NFIB: variants seen among roughly 807,000 people sequenced by gnomAD.
NFIB encodes nuclear factor 1 B-type.
Under a neutral mutation model 61.5 loss-of-function variants are expected in NFIB, and 11 were observed. That is an observed-to-expected ratio of 0.18 (90% CI 0.11 to 0.30). The LOEUF (loss-of-function observed/expected upper bound fraction) is 0.30, where lower values mean the gene tolerates loss of function less well. Ranked by LOEUF, NFIB falls within the 10% of genes least tolerant of loss-of-function variation. The probability of loss-of-function intolerance (pLI) is 1.00; values close to 1 mark genes in which losing one functional copy is unlikely to be tolerated. For missense variants in NFIB, 471 were observed against 608.9 expected (o/e 0.77, Z 2.38); for synonymous variants, 260 against 216.5 (o/e 1.20, Z -1.76).
chr9:14,116,121 G>T, intron 9 of NFIB, 87 bp downstream of exon 9: 1 of 1,327,902 alleles, frequency 7.5e-7, no homozygotes, highest in South Asian at 2.1e-5. Context: ...TTTCCACCTT[G>T]GATCAGATAT....
intron 1 of NFIB, among the ~76,000 whole-genome samples, chr9:14,320,328 C>T (rs1400684466): frequency 6.6e-6 from 1 of 152,214 alleles, no homozygotes. Context: ...ATGATAATTA[C>T]TGTTCTAATA....
chr9:14,523,381 C>T, the NFIB span, among the ~76,000 whole-genome samples: 2 of 152,012 alleles, frequency 1.3e-5, no homozygotes, highest in Non-Finnish European at 2.9e-5. Flanking sequence ...GGATACTTTC[C>T]TACTCACTTT....
At chr9:14,240,448 G>A (rs1278064990) in intron 2 of NFIB, among the ~76,000 whole-genome samples, 1 of 152,086 alleles carries the variant, frequency 6.6e-6, no homozygotes, top group African/African-American at 2.4e-5. Flanking sequence ...ATTATAAATG[G>A]TGTGAAAAAA....
At chr9:14,343,952 CA>C (rs948653065) in intron 1 of NFIB, among the ~76,000 whole-genome samples, 1 of 151,910 alleles carries the variant, frequency 6.6e-6, no homozygotes, top group African/African-American at 2.4e-5. Context: ...GTGCTGCAAA[CA>C]AAATACAAAA....
intron 5 of NFIB, among the ~76,000 whole-genome samples, chr9:14,147,907 G>A (rs2042444443): frequency 6.6e-6 from 1 of 151,834 alleles, no homozygotes; most frequent in Non-Finnish European, 1.5e-5. Context: ...CTCCCAAAGT[G>A]CTGGGATTAC....
At chr9:14,526,490 C>T in the NFIB span, among the ~76,000 whole-genome samples, 1 of 152,148 alleles carries the variant, frequency 6.6e-6, no homozygotes, top group Admixed American at 6.5e-5. Flanking sequence ...TATCCCTTAG[C>T]AGAACTTCTT....
the NFIB span, among the ~76,000 whole-genome samples, chr9:14,515,451 C>G: frequency 6.6e-6 from 1 of 152,252 alleles, no homozygotes; most frequent in East Asian, 1.9e-4. Flanking sequence ...AACTTTTCCA[C>G]TAACTCGGTA....
At chr9:14,530,743 C>G in the NFIB span, among the ~76,000 whole-genome samples, 1 of 152,160 alleles carries the variant, frequency 6.6e-6, no homozygotes, top group Non-Finnish European at 1.5e-5. Flanking sequence ...AGTGGATGAG[C>G]TGACCACCAG....
intron 2 of NFIB, among the ~76,000 whole-genome samples, chr9:14,253,994 A>C (rs1392658160): frequency 6.6e-6 from 1 of 152,144 alleles, no homozygotes; most frequent in African/African-American, 2.4e-5. Flanking sequence ...CCGTCTTTTA[A>C]AGTCAGTTAA....
At chr9:14,471,416 C>A in the NFIB span, among the ~76,000 whole-genome samples, 1 of 152,104 alleles carries the variant, frequency 6.6e-6, no homozygotes, top group Non-Finnish European at 1.5e-5. Context: ...ATGTGGAATG[C>A]CCCCCAGAAG....
intron 3 of NFIB, among the ~76,000 whole-genome samples, chr9:14,176,514 C>T (rs1036314246): frequency 3.9e-5 from 6 of 151,958 alleles, no homozygotes; most frequent in African/African-American, 1.5e-4. Context: ...TAAAGAAATA[C>T]CATAAAGGCT....
the NFIB span, among the ~76,000 whole-genome samples, chr9:14,472,426 C>G: frequency 6.6e-6 from 1 of 152,050 alleles, no homozygotes; most frequent in Non-Finnish European, 1.5e-5. Flanking sequence ...AACATTAAGG[C>G]AATTGTACAG....
chr9:14,382,627 A>C (rs1021811326), intron 1 of NFIB, among the ~76,000 whole-genome samples: 1 of 152,008 alleles, frequency 6.6e-6, no homozygotes, highest in Non-Finnish European at 1.5e-5. Flanking sequence ...ATCCTCAATA[A>C]GCTCTTGCAC....
the NFIB span, among the ~76,000 whole-genome samples, chr9:14,484,420 G>A: frequency 6.6e-6 from 1 of 152,212 alleles, no homozygotes; most frequent in Non-Finnish European, 1.5e-5. Context: ...AACTTCACTT[G>A]TGGATTTATC....
At chr9:14,233,582 C>T (rs2053432951) in intron 2 of NFIB, among the ~76,000 whole-genome samples, 1 of 152,088 alleles carries the variant, frequency 6.6e-6, no homozygotes, top group Non-Finnish European at 1.5e-5. Context: ...GCCCAGGCCA[C>T]CACGCCCAGC....
At chr9:14,349,094 A>C (rs563717667) in intron 1 of NFIB, among the ~76,000 whole-genome samples, 3 of 152,102 alleles carry the variant, frequency 2.0e-5, no homozygotes, top group African/African-American at 7.2e-5. Context: ...GAGGGAAATC[A>C]CTCTCTGCTC....
chr9:14,236,196 C>A (rs964769468), intron 2 of NFIB, among the ~76,000 whole-genome samples: 1 of 152,128 alleles, frequency 6.6e-6, no homozygotes, highest in Non-Finnish European at 1.5e-5. Flanking sequence ...AAATTGGCAT[C>A]TTTATGAATT....
At chr9:14,472,109 G>A in the NFIB span, among the ~76,000 whole-genome samples, 2 of 152,200 alleles carry the variant, frequency 1.3e-5, no homozygotes, top group African/African-American at 4.8e-5. Context: ...TTGGTCAATG[G>A]ATTACCTGTA....
At chr9:14,094,012 A>G (rs1328245064) in intron 10 of NFIB, among the ~76,000 whole-genome samples, 1 of 152,082 alleles carries the variant, frequency 6.6e-6, no homozygotes, top group Non-Finnish European at 1.5e-5. Flanking sequence ...CCTCATAACA[A>G]ATCTATGAGA....
Sources: gnomAD v4.1 joint callset for allele counts (sites outside exome capture counted in the v4.1 genomes callset) on GRCh38, gnomAD v4.1.1 for gene constraint, MANE v1.5 for transcripts, NCBI Gene and HGNC (gene_info 2026-07-23, HGNC 2026-07-21) for gene names.